Variants in EYS observed in about 807,000 individuals in gnomAD.
EYS encodes the protein EGF-like photoreceptor maintenance factor, also known as protein eyes shut homolog.
EYS carries 250 observed loss-of-function variants against 282.1 expected under a neutral mutation model. The ratio of observed to expected loss-of-function variants is 0.89; its 90% CI spans 0.80 to 0.98. EYS has a LOEUF of 0.98. Ranked by LOEUF, EYS falls within the 50% of genes least tolerant of loss-of-function variation. The probability of loss-of-function intolerance (pLI) is 0.00; values close to 1 mark genes in which losing one functional copy is unlikely to be tolerated. For missense variants in EYS, 4,016 were observed against 3,709.0 expected, an observed-to-expected ratio of 1.08 and a Z score of -2.15; for synonymous variants, 1,355 against 1,282.9, an observed-to-expected ratio of 1.06 and a Z score of -1.20.
At chr6:64,963,559 CATTGATGCAATAAA>C (rs1769996581) in intron 14 of EYS, among the ~76,000 whole-genome samples, 1 of 152,128 alleles carries the variant, frequency 6.6e-6, no homozygotes, top group South Asian at 2.1e-4. Context: ...ACAGAGACCT[CATTGATGCAATAAA>C]TGTGTGCACG....
At chr6:64,202,476 T>C (rs1765488215) in intron 31 of EYS, among the ~76,000 whole-genome samples, 1 of 152,220 alleles carries the variant, frequency 6.6e-6, no homozygotes, top group Admixed American at 6.5e-5. Context: ...AAATAAAACT[T>C]ATTTCAGAAA....
chr6:64,389,693 C>A (rs1047048557), intron 28 of EYS, among the ~76,000 whole-genome samples: 4 of 152,252 alleles, frequency 2.6e-5, no homozygotes, highest in East Asian at 1.9e-4. Context: ...ATGCACTATT[C>A]AATTTATCTA....
intron 31 of EYS, among the ~76,000 whole-genome samples, chr6:64,188,655 T>C (rs1014668868): frequency 1.3e-5 from 2 of 152,146 alleles, no homozygotes; most frequent in Admixed American, 6.6e-5. Flanking sequence ...TTTTTCTTCT[T>C]GCCCTATCCT....
intron 12 of EYS, among the ~76,000 whole-genome samples, chr6:65,215,392 A>G (rs56852921): frequency 0.035 from 5,361 of 152,286 alleles, 139 homozygotes; most frequent in African/African-American, 0.066. Flanking sequence ...CAAGAGAACT[A>G]GAATTAGAAG....
At chr6:64,589,999 G>A (rs1413701334) in intron 26 of EYS, among the ~76,000 whole-genome samples, 1 of 152,088 alleles carries the variant, frequency 6.6e-6, no homozygotes, top group Non-Finnish European at 1.5e-5. Flanking sequence ...CAGTATAGCT[G>A]TCTCCAACCT....
chr6:63,847,645 T>C (rs1168507719), intron 36 of EYS, among the ~76,000 whole-genome samples: 1 of 152,210 alleles, frequency 6.6e-6, no homozygotes, highest in Non-Finnish European at 1.5e-5. Flanking sequence ...CAGACTAATG[T>C]TTTTCTTTAA....
At chr6:64,449,012 C>T (rs1248575269) in intron 26 of EYS, among the ~76,000 whole-genome samples, 3 of 152,108 alleles carry the variant, frequency 2.0e-5, no homozygotes, top group African/African-American at 7.2e-5. Context: ...CGGAGAATGA[C>T]TTTGATGAGT....
intron 39 of EYS, among the ~76,000 whole-genome samples, chr6:63,785,304 C>T (rs1206129777): frequency 6.6e-6 from 1 of 152,188 alleles, no homozygotes; most frequent in Non-Finnish European, 1.5e-5. Flanking sequence ...AAGGACCCAG[C>T]TTATTTTCAC....
intron 36 of EYS, among the ~76,000 whole-genome samples, chr6:63,830,781 G>A (rs1002952245): frequency 6.6e-6 from 1 of 152,146 alleles, no homozygotes; most frequent in Admixed American, 6.5e-5. Flanking sequence ...CACCAAAGTC[G>A]AAATGAAGGG....
chr6:63,747,902 A>G (rs1769249581), intron 41 of EYS, among the ~76,000 whole-genome samples: 1 of 151,850 alleles, frequency 6.6e-6, no homozygotes. Flanking sequence ...CTCTTTATCC[A>G]ATTTGCCAGT....
At chr6:65,047,667 A>C (rs893005901) in intron 13 of EYS, among the ~76,000 whole-genome samples, 3 of 151,930 alleles carry the variant, frequency 2.0e-5, no homozygotes, top group African/African-American at 7.2e-5. Flanking sequence ...TCCTATGCAC[A>C]CATTAGGATT....
intron 41 of EYS, chr6:63,744,468 T>A (rs1181724813): frequency 6.6e-6 from 1 of 152,192 alleles, no homozygotes; most frequent in Non-Finnish European, 1.5e-5. Context: ...TGGGACCAAG[T>A]GATGGTGTTC....
chr6:65,173,671 T>C (rs1765162872), intron 12 of EYS, among the ~76,000 whole-genome samples: 1 of 151,076 alleles, frequency 6.6e-6, no homozygotes, highest in African/African-American at 2.4e-5. Flanking sequence ...AAGACATTAC[T>C]GAATGTTGCC....
chr6:64,872,645 T>C (rs562982221), intron 19 of EYS, among the ~76,000 whole-genome samples: 1 of 152,168 alleles, frequency 6.6e-6, no homozygotes, highest in South Asian at 2.1e-4. Context: ...TCACCTTTCC[T>C]TAATCCTCAC....
intron 28 of EYS, among the ~76,000 whole-genome samples, chr6:64,416,224 T>C (rs981941066): frequency 2.6e-5 from 4 of 152,210 alleles, no homozygotes; most frequent in African/African-American, 9.6e-5. Context: ...TTTTTGCTTG[T>C]ATGATCATTA....
chr6:64,806,570 C>A (rs1254626709), intron 22 of EYS, among the ~76,000 whole-genome samples: 1 of 151,996 alleles, frequency 6.6e-6, no homozygotes, highest in Non-Finnish European at 1.5e-5. Context: ...TTAAAGCTTA[C>A]TAATCTTTTA....
chr6:63,769,529 T>A (rs1769880680), intron 40 of EYS, among the ~76,000 whole-genome samples: 1 of 152,020 alleles, frequency 6.6e-6, no homozygotes, highest in Non-Finnish European at 1.5e-5. Context: ...CAAGGAAAAA[T>A]TTGTGGGTTC....
chr6:64,922,566 T>A (rs1284883520), intron 15 of EYS, among the ~76,000 whole-genome samples: 2 of 152,132 alleles, frequency 1.3e-5, no homozygotes, highest in Non-Finnish European at 2.9e-5. Context: ...AGGATATATA[T>A]TAGTTAATAA....
chr6:65,326,756 G>A (rs935469135), intron 11 of EYS, among the ~76,000 whole-genome samples: 1 of 150,928 alleles, frequency 6.6e-6, no homozygotes, highest in Admixed American at 6.6e-5. Flanking sequence ...ATTTTCTTTT[G>A]TTATGCATTT....
Sources: gnomAD v4.1 joint callset for allele counts (sites outside exome capture counted in the v4.1 genomes callset) on GRCh38, gnomAD v4.1.1 for gene constraint, MANE v1.5 for transcripts, NCBI Gene and HGNC (gene_info 2026-07-23, HGNC 2026-07-21) for gene names.